The following HYAL3 variants were observed in gnomAD, a reference collection of about 807,000 sequenced individuals.
HYAL3 encodes the protein hyaluronidase 3, also known as hyaluronidase-3.
In HYAL3, 25 loss-of-function variants were observed where a neutral mutation model predicts 29.6. The ratio of observed to expected loss-of-function variants is 0.85; its 90% CI spans 0.62 to 1.18. HYAL3 has a LOEUF of 1.18. HYAL3 is among the 50% of genes most tolerant of loss of function. The pLI, the probability that HYAL3 is intolerant of heterozygous loss-of-function variation, is 0.00. For synonymous variants in HYAL3, 215 were observed against 218.3 expected (o/e 0.99, Z 0.13); for missense variants, 442 against 548.4 (o/e 0.81, Z 1.94).
Position 50,292,869 on chromosome 3 carries a change from A to C in HYAL3, c.*377T>G. ...GTGACTTTATGATGAAAGAGTGCAG[A>C]CAACAGCTTAGCACTTTACCGACCT... is the stretch of plus-strand genomic sequence containing the variant. On this transcript the variant is annotated 3_prime_UTR_variant, in exon 4 of 4. Coordinates refer to ENST00000336307, the MANE Select transcript of HYAL3 (RefSeq NM_003549.4). The C allele has an allele frequency of 6.7e-7, 1 of 1,489,740 alleles. No homozygotes were observed. The highest frequency in any genetic ancestry group is 9.0e-7 in the Non-Finnish European group (1 of 1,110,826). 92.3% of individuals were successfully genotyped at this position (1,489,740 alleles called of 1,614,324 possible).
rs782356090 is a variant in HYAL3, at chr3:50,297,067, G to C, written c.-17-1448C>G. ...ACTGTCTCCACTAAGAGGCTCTGGG[G>C]CTGGTTCAGCACCCGTGACAGGCGG... On this transcript the variant is annotated intron_variant, in intron 1 of 3. Coordinates refer to ENST00000336307, the MANE Select transcript of HYAL3 (RefSeq NM_003549.4). This position sits in a 1 kb window ranked among gnomAD's most constrained non-coding sequence, Gnocchi z 4.3. 3.4e-5 allele frequency: 52 copies of C among 1,535,840 alleles called. No homozygotes were observed. Among genetic ancestry groups the C allele is most frequent in the Non-Finnish European group, 4.5e-5 (52 of 1,143,110 alleles).
intron 1 of HYAL3, 114 bp downstream of exon 1, chr3:50,299,099 G>T: frequency 6.2e-7 from 1 of 1,607,728 alleles, no homozygotes; most frequent in South Asian, 1.1e-5. Flanking sequence ...GGCTCGGCAT[G>T]GTCTGGAAAC....
Position 50,299,352 on chromosome 3 carries a change from T to G in HYAL3, c.-157A>C. ...CGGATGTTCTGCAGCCGTCGCGTCCTGCGGCACGCCACGGCGTTCTAAGGC... is the reference window on the plus strand; with the variant it reads ...CGGATGTTCTGCAGCCGTCGCGTCCGGCGGCACGCCACGGCGTTCTAAGGC... On this transcript the variant is annotated 5_prime_UTR_variant, in exon 1 of 4. Transcript: ENST00000336307. 1.1e-5 allele frequency: 17 copies of G among 1,559,076 alleles called. No individual in the cohort carries two copies. Among genetic ancestry groups the G allele is most frequent in the African/African-American group, 1.4e-5 (1 of 73,774 alleles).
In HYAL3 at chr3:50,292,927, G is replaced by A. The variant is rs1701715101; in HGVS notation, c.*319C>T. On this transcript the variant is annotated 3_prime_UTR_variant, in exon 4 of 4. Coordinates refer to ENST00000336307, the MANE Select transcript of HYAL3 (RefSeq NM_003549.4). ...GATTTTTTGGGGCCCATCTGCCCGT[G>A]CACGGCCCATCTGTGACCTCTCCAT... The A allele has an allele frequency of 1.3e-6, 2 of 1,517,284 alleles. No individual in the cohort carries two copies. Among genetic ancestry groups the A allele is most frequent in the Non-Finnish European group, 1.8e-6 (2 of 1,128,396 alleles). The allele number at this position is 1,517,284 out of a possible 1,614,324, so 94.0% of individuals were successfully genotyped here.
At position 50,295,032 on chromosome 3, in the gene HYAL3, G is replaced by C; in HGVS notation, c.571C>G (p.Leu191Val). Residue 191 changes from leucine (L) to valine (V), a missense_variant, in exon 2 of 4, where the codon CTA becomes GTA. By Grantham distance (32) the Leu-to-Val change is conservative. Coordinates refer to ENST00000336307, the MANE Select transcript of HYAL3 (RefSeq NM_003549.4). ...AAGCCCCAGAGTCCATGGGGCCGTAGTGCCTGGGCCACCCGCAGCGTATCC... is the reference window on the plus strand; with the variant it reads ...AAGCCCCAGAGTCCATGGGGCCGTACTGCCTGGGCCACCCGCAGCGTATCC... ...MEDTLRVAQALRPHGLWGFYH... is the reference protein window; with the variant it reads ...MEDTLRVAQAVRPHGLWGFYH... The C allele has an allele frequency of 6.2e-7, 1 of 1,613,460 alleles. No individual in the cohort carries two copies.
chr3:50,297,667 C>G lies in HYAL3; in HGVS notation c.-18+1546G>C. ...AGCATCTCTTCAGACCACAGTGGCT[C>G]TCCTCCTGTAGATAACAGCCATGCT... is the stretch of plus-strand genomic sequence containing the variant. On this transcript the variant is annotated intron_variant, in intron 1 of 3. Transcript: ENST00000336307. The surrounding 1 kb of genome is among the most constrained non-coding windows in gnomAD (Gnocchi z 4.3). The G allele has an allele frequency of 7.1e-7, 1 of 1,401,756 alleles. No individual in the cohort carries two copies. Among genetic ancestry groups the G allele is most frequent in the South Asian group, 1.6e-5 (1 of 61,322 alleles). The allele number at this position is 1,401,756 out of a possible 1,614,324, so 86.8% of individuals were successfully genotyped here. A position where few individuals can be genotyped will look rare whatever the true frequency, so the allele number is the denominator to read the frequency against.
intron 1 of HYAL3, chr3:50,296,406 CAA>C (rs1701841424): frequency 3.2e-6 from 2 of 627,622 alleles, no homozygotes; most frequent in East Asian, 2.8e-5. Context: ...CAGCCATACC[CAA>C]GAGAGCCTTT....
At chr3:50,296,916 T>G in intron 1 of HYAL3, 1 of 1,609,794 alleles carries the variant, frequency 6.2e-7, no homozygotes, top group Non-Finnish European at 8.5e-7. Flanking sequence ...CAGGTGGGTA[T>G]AGAAGTGCAC....
Position 50,292,988 on chromosome 3 carries a change from G to A in HYAL3, c.*258C>T. ...AGGTGTAGGCACAAAGCCCTAGGCTGGCAGCCCTAACTAGCTGGAACCTGA... is the reference window on the plus strand; with the variant it reads ...AGGTGTAGGCACAAAGCCCTAGGCTAGCAGCCCTAACTAGCTGGAACCTGA... On this transcript the variant is annotated 3_prime_UTR_variant, in exon 4 of 4. Transcript: ENST00000336307. 1 of 1,555,278 alleles carries A rather than the reference G, an allele frequency of 6.4e-7. No homozygotes were observed. The highest frequency in any genetic ancestry group is 1.1e-5 in the South Asian group (1 of 89,602).
Position 50,294,857 on chromosome 3 carries a change from G to C in HYAL3, c.746C>G (p.Pro249Arg). The change falls in exon 2 of 4, where the codon CCC (proline) becomes CGC (arginine). Residue 249 changes from proline (P) to arginine (R), a missense_variant. Transcript: ENST00000336307. The part of the protein sequence containing the change: ...SALFPSIYLP[P>R]RLPPAHHQAF... ...CTGGTGGTGGGCAGGTGGCAGCCTG[G>C]GTGGGAGGTAGATGCTGGGGAAGAG... 1 of 1,542,930 alleles carries C rather than the reference G, an allele frequency of 6.5e-7. No individual in the cohort carries two copies. Among genetic ancestry groups the C allele is most frequent in the Non-Finnish European group, 8.8e-7 (1 of 1,139,724 alleles).
intron 1 of HYAL3, among the ~76,000 whole-genome samples, chr3:50,298,461 C>T (rs906120297): frequency 1.3e-5 from 2 of 151,792 alleles, no homozygotes; most frequent in Non-Finnish European, 2.9e-5. Flanking sequence ...GCAGTATTGC[C>T]TCTGCAGGCT....
At position 50,295,094 on chromosome 3, in the gene HYAL3, T is replaced by C. The variant is rs1701787839; in HGVS notation, c.509A>G (p.Tyr170Cys). 6.2e-7 allele frequency: 1 copy of C among 1,613,420 alleles called. No homozygotes were observed. ...ACGGGCCGCCTGCTCAAAGCCAGTA[T>C]AGGCCTTGTAGAGCTGCTCCTGAGG... ...LDPQEQLYKA[Y>C]TGFEQAARAL... Residue 170 changes from tyrosine (Y) to cysteine (C), a missense_variant, in exon 2 of 4, where the codon TAT (tyrosine) becomes TGT (cysteine). By Grantham distance (194) the Tyr-to-Cys change is radical. Transcript: ENST00000336307.
At position 50,293,232 on chromosome 3, in the gene HYAL3, C is replaced by A; in HGVS notation, c.*14G>T. The A allele has an allele frequency of 6.2e-7, 1 of 1,613,034 alleles. No individual in the cohort carries two copies. The highest frequency in any genetic ancestry group is 8.5e-7 in the Non-Finnish European group (1 of 1,180,006). On this transcript the variant is annotated 3_prime_UTR_variant, in exon 4 of 4. Coordinates refer to ENST00000336307, the MANE Select transcript of HYAL3 (RefSeq NM_003549.4). ...CAGCAGGGAAAAGAAGAGGCAGTGG[C>A]AGGGGCCCTGGCTTTATACTGCTTC... is the stretch of plus-strand genomic sequence containing the variant.
intron 3 of HYAL3, 46 bp downstream of exon 3, chr3:50,293,586 G>A: frequency 1.9e-6 from 3 of 1,612,558 alleles, no homozygotes; most frequent in Non-Finnish European, 2.5e-6. Context: ...CCCACCCTGG[G>A]ACCCCAGCAT....
At chr3:50,299,050 G>A in intron 1 of HYAL3, 163 bp downstream of exon 1, 1 of 1,576,538 alleles carries the variant, frequency 6.3e-7, no homozygotes, top group Non-Finnish European at 8.6e-7. Context: ...GAGCTTTTGG[G>A]AATGAGGACT....
intron 1 of HYAL3, among the ~76,000 whole-genome samples, chr3:50,298,553 G>C (rs587731030): frequency 1.3e-3 from 198 of 151,470 alleles, no homozygotes; most frequent in African/African-American, 4.6e-3. Flanking sequence ...GTGTCCAACG[G>C]TCACCAGGTT....
Position 50,294,144 on chromosome 3 carries a change from T to C in HYAL3, c.895-423A>G, listed in dbSNP as rs587693037. 1.3e-3 allele frequency among the ~76,000 whole-genome samples: 191 copies of C among 152,162 alleles called. 1 individual carries two copies. The highest frequency in any genetic ancestry group is 3.4e-4 in the Non-Finnish European group (23 of 67,974). ...ACAAAACCCCATCTCTACAAAAATA[T>C]AAAAATTAGCTGGGTGTGGTGGTAT... On this transcript the variant is annotated intron_variant, in intron 2 of 3. Coordinates refer to ENST00000336307, the MANE Select transcript of HYAL3 (RefSeq NM_003549.4).
intron 1 of HYAL3, chr3:50,298,201 G>T: frequency 1.5e-6 from 1 of 675,410 alleles, no homozygotes; most frequent in Non-Finnish European, 1.8e-6. Context: ...TTCTCCCTAT[G>T]TTCCGAGTCT....
chr3:50,293,129 G>C lies in HYAL3; in HGVS notation c.*117C>G. The C allele has an allele frequency of 2.0e-6, 3 of 1,520,022 alleles. No individual in the cohort carries two copies. The highest frequency in any genetic ancestry group is 2.7e-6 in the Non-Finnish European group (3 of 1,098,150). The allele number at this position is 1,520,022 out of a possible 1,614,324, so 94.2% of individuals were successfully genotyped here. A position where few individuals can be genotyped will look rare whatever the true frequency, so the allele number is the denominator to read the frequency against. On this transcript the variant is annotated 3_prime_UTR_variant, in exon 4 of 4. Coordinates refer to ENST00000336307, the MANE Select transcript of HYAL3 (RefSeq NM_003549.4). ...CCCTCAGGGATTCCAAGGGAAGCGG[G>C]GTGTGTGCTTGGGAGGGTTGACTGT...
Sources: gnomAD v4.1 joint callset for allele counts (sites outside exome capture counted in the v4.1 genomes callset) on GRCh38, gnomAD v4.1.1 for gene constraint, Gnocchi (gnomAD v3.1) non-coding constraint, MANE v1.5 for transcripts, NCBI Gene and HGNC (gene_info 2026-07-23, HGNC 2026-07-21) for gene names.